The following PKNOX1 variants were observed in gnomAD, a reference collection of about 807,000 sequenced individuals.
PKNOX1 encodes the protein homeobox protein PKNOX1.
Under a neutral mutation model 51.9 loss-of-function variants are expected in PKNOX1, and 15 were observed. That is an observed-to-expected ratio of 0.29 (90% CI 0.19 to 0.45). PKNOX1 has a LOEUF of 0.45. Among genes scored for constraint, PKNOX1 ranks in the 20% least tolerant of loss-of-function variants. PKNOX1 has a pLI of 1.00. For synonymous variants in PKNOX1, 219 were observed against 211.1 expected (o/e 1.04, Z -0.32); for missense variants, 462 against 547.5 (o/e 0.84, Z 1.56).
rs182111405 is a variant in PKNOX1 at position 43,013,891 on chromosome 21, G to C, written c.522+653G>C. Among the ~76,000 whole-genome samples the C allele has an allele frequency of 3.1e-3, 476 of 152,088 alleles. 3 individuals carry two copies. Among genetic ancestry groups the C allele is most frequent in the African/African-American group, 0.01 (426 of 41,466 alleles). Reference sequence around the variant, plus strand: ...ACTATTGTGTTTTAGCCATTCTGATGATATGTAGTGATATTAATATTTCTT... The same window carrying C: ...ACTATTGTGTTTTAGCCATTCTGATCATATGTAGTGATATTAATATTTCTT... On this transcript the variant is annotated intron_variant, in intron 5 of 10. Coordinates refer to ENST00000291547, the MANE Select transcript of PKNOX1 (RefSeq NM_004571.5).
chr21:42,981,902 T>A lies in PKNOX1; in HGVS notation c.-57+7238T>A, dbSNP rs2059028244. Among the ~76,000 whole-genome samples the A allele has an allele frequency of 1.3e-5, 2 of 152,212 alleles. 1 individual carries two copies. The highest frequency in any genetic ancestry group is 1.3e-4 in the Admixed American group (2 of 15,282). ...TGGGATTCTTGGGACCACTGTATTG[T>A]TGCTGGGCCTCTGGGCAGATGGAAC... On this transcript the variant is annotated intron_variant, in intron 1 of 10. Coordinates refer to ENST00000291547, the MANE Select transcript of PKNOX1 (RefSeq NM_004571.5).
At chr21:42,991,630 C>T (rs1568890568) in intron 1 of PKNOX1, among the ~76,000 whole-genome samples, 2 of 151,624 alleles carry the variant, frequency 1.3e-5, no homozygotes, top group Non-Finnish European at 1.5e-5. Flanking sequence ...CGGGAGGCTG[C>T]GGCAGGAGAA....
intron 5 of PKNOX1, among the ~76,000 whole-genome samples, chr21:43,014,053 G>A (rs234695): frequency 0.84 from 113,286 of 135,144 alleles, 47,744 homozygotes; most frequent in African/African-American, 0.96. Flanking sequence ...ACAGAGTCTC[G>A]CTCCATCACC....
chr21:43,023,974 T>C (rs1459569392), intron 8 of PKNOX1, among the ~76,000 whole-genome samples: 2 of 151,758 alleles, frequency 1.3e-5, no homozygotes, highest in Admixed American at 6.6e-5. Context: ...CCTCAAGTTA[T>C]CCACCTGCCT....
intron 1 of PKNOX1, among the ~76,000 whole-genome samples, chr21:42,988,879 C>T (rs1418698220): frequency 6.6e-6 from 1 of 151,286 alleles, no homozygotes; most frequent in African/African-American, 2.4e-5. Flanking sequence ...TCTTTGGCTT[C>T]TCAGGCTGGG....
chr21:42,990,419 A>G (rs2059080835), intron 1 of PKNOX1, among the ~76,000 whole-genome samples: 1 of 152,206 alleles, frequency 6.6e-6, no homozygotes, highest in African/African-American at 2.4e-5. Flanking sequence ...CTGTTTGTAG[A>G]GTATAGCCTT....
Position 43,021,472 on chromosome 21 carries a change from C to A in PKNOX1, c.849+41C>A. On this transcript the variant is annotated intron_variant, in intron 8 of 10. Coordinates refer to ENST00000291547, the MANE Select transcript of PKNOX1 (RefSeq NM_004571.5). The surrounding 1 kb of genome is among the most constrained non-coding windows in gnomAD (Gnocchi z 4.6). ...CCAGCCCTTGCCTTGCAGCCCTCTG[C>A]GACGCTTGCTCTCTGGCTTATGTGT... is the stretch of plus-strand genomic sequence containing the variant. 6.4e-7 allele frequency: 1 copy of A among 1,551,916 alleles called. No homozygotes were observed.
Position 42,980,718 on chromosome 21 carries a change from C to G in PKNOX1, c.-57+6054C>G, listed in dbSNP as rs552543479. On this transcript the variant is annotated intron_variant, in intron 1 of 10. Transcript: ENST00000291547. ...TAGTCCCATTTATTAGCTTAGTAAC[C>G]GGATTGAGCTGTGGCTCTGGTAATT... Among the ~76,000 whole-genome samples, 156 of 152,236 alleles carry G rather than the reference C, an allele frequency of 1.0e-3. 2 individuals are homozygous for G. The South Asian group carries it at 0.02, about 20-fold the overall frequency.
At chr21:43,017,290 A>G (rs1979536660) in intron 6 of PKNOX1, 1 of 235,758 alleles carries the variant, frequency 4.2e-6, no homozygotes, top group African/African-American at 2.2e-5. Flanking sequence ...TCATTTTCAA[A>G]TAACATAGCT....
At chr21:43,008,061 T>TCTCTCTCACACACACACA (rs59792199) in intron 3 of PKNOX1, among the ~76,000 whole-genome samples, 1 of 146,886 alleles carries the variant, frequency 6.8e-6, no homozygotes, top group East Asian at 2.0e-4. Context: ...CAAAACTCTG[T>TCTCTCTCACACACACACA]CACACACACA....
chr21:43,025,342 AT>A (rs1722446590), intron 9 of PKNOX1, among the ~76,000 whole-genome samples: 1 of 152,188 alleles, frequency 6.6e-6, no homozygotes. Flanking sequence ...CAAGCCCCAC[AT>A]TCATACAAAA....
At chr21:42,997,219 G>T (rs767031493) in intron 1 of PKNOX1, among the ~76,000 whole-genome samples, 1 of 152,080 alleles carries the variant, frequency 6.6e-6, no homozygotes, top group African/African-American at 2.4e-5. Context: ...AGCAAACTAG[G>T]ACTTAGAGAT....
chr21:43,029,255 C>T (rs976234801), intron 10 of PKNOX1, among the ~76,000 whole-genome samples: 1 of 152,090 alleles, frequency 6.6e-6, no homozygotes, highest in Non-Finnish European at 1.5e-5. Flanking sequence ...CTTCATCCCC[C>T]ATGCCCTTCT....
chr21:43,005,939 C>G (rs234775), intron 2 of PKNOX1, among the ~76,000 whole-genome samples: 136,171 of 152,214 alleles, frequency 0.89, 61,034 homozygotes, highest in Non-Finnish European at 0.91. Context: ...CCAAGGGCCT[C>G]GGAAGTGTTT....
chr21:43,029,424 GTTTTTTTTTTTTT>G (rs138486584), intron 10 of PKNOX1, among the ~76,000 whole-genome samples: 1 of 63,290 alleles, frequency 1.6e-5, no homozygotes, highest in East Asian at 4.6e-4. Context: ...TGTTTGCTTT[GTTTTTTTTTTTTT>G]TTTTTTTTGA....
At chr21:42,988,002 C>G (rs953309539) in intron 1 of PKNOX1, among the ~76,000 whole-genome samples, 8 of 151,958 alleles carry the variant, frequency 5.3e-5, no homozygotes, top group Admixed American at 2.0e-4. Flanking sequence ...ACCTTCTGGC[C>G]CTTTACAGAA....
At position 43,027,989 on chromosome 21, in the gene PKNOX1, T is replaced by C. The variant is rs556952763; in HGVS notation, c.927-713T>C. ...GCTGCTCTCGTTCTCTGTGGAGTCT[T>C]ATCACAGGCGTGAGTGCCTGGTCTG... On this transcript the variant is annotated intron_variant, in intron 9 of 10. Coordinates refer to ENST00000291547, the MANE Select transcript of PKNOX1 (RefSeq NM_004571.5). Among the ~76,000 whole-genome samples the C allele has an allele frequency of 5.9e-5, 9 of 152,306 alleles. No homozygotes were observed. In the East Asian group the frequency reaches 1.7e-3, roughly 29 times the overall value.
At position 42,998,765 on chromosome 21, in the gene PKNOX1, G is replaced by A. The variant is rs542877193; in HGVS notation, c.-56-5561G>A. ...ACATCTAGGTTATGCTGATGGAAGAGGTGGGTTCCCATGGTCCTGGGCATC... is the reference window on the plus strand; with the variant it reads ...ACATCTAGGTTATGCTGATGGAAGAAGTGGGTTCCCATGGTCCTGGGCATC... On this transcript the variant is annotated intron_variant, in intron 1 of 10. Transcript: ENST00000291547. 2.6e-5 allele frequency among the ~76,000 whole-genome samples: 4 copies of A among 152,338 alleles called. No individual in the cohort carries two copies. The East Asian group carries it at 5.8e-4, about 22-fold the overall frequency.
intron 1 of PKNOX1, among the ~76,000 whole-genome samples, chr21:42,977,379 T>C (rs1347421592): frequency 6.6e-6 from 1 of 152,144 alleles, no homozygotes; most frequent in East Asian, 1.9e-4. Context: ...GAAAATCTGC[T>C]TTTTCGTCTC....
Sources: gnomAD v4.1 joint callset for allele counts (sites outside exome capture counted in the v4.1 genomes callset) on GRCh38, gnomAD v4.1.1 for gene constraint, Gnocchi (gnomAD v3.1) non-coding constraint, MANE v1.5 for transcripts, NCBI Gene and HGNC (gene_info 2026-07-23, HGNC 2026-07-21) for gene names.